DLG2: variants seen among roughly 807,000 people sequenced by gnomAD.
The protein encoded by DLG2 is discs large MAGUK scaffold protein 2.
A neutral mutation model predicts 132.5 loss-of-function variants in DLG2; 45 were observed. The observed-to-expected ratio is 0.34, with a 90% CI of 0.27 to 0.44. The LOEUF (loss-of-function observed/expected upper bound fraction) is 0.44. DLG2 is among the 20% of genes least tolerant of loss of function. The pLI, the probability that DLG2 is intolerant of heterozygous loss-of-function variation, is 1.00. For missense variants in DLG2, 1,045 were observed against 1,196.9 expected (o/e 0.87, Z 1.87); for synonymous variants, 424 against 419.6 (o/e 1.01, Z -0.13).
At chr11:84,241,638 AT>A (rs986271825) in intron 8 of DLG2, among the ~76,000 whole-genome samples, 4 of 152,096 alleles carry the variant, frequency 2.6e-5, no homozygotes, top group African/African-American at 9.7e-5. Context: ...ACTCATTCAG[AT>A]TCATGCTAAA....
intron 17 of DLG2, among the ~76,000 whole-genome samples, chr11:83,803,422 G>GA (rs1243791484): frequency 1.3e-5 from 2 of 152,050 alleles, no homozygotes; most frequent in Non-Finnish European, 2.9e-5. Context: ...CAGGCATAGT[G>GA]AAAAAATGTC....
At chr11:85,383,350 TC>T (rs2086056862) in intron 3 of DLG2, among the ~76,000 whole-genome samples, 1 of 152,128 alleles carries the variant, frequency 6.6e-6, no homozygotes, top group Admixed American at 6.6e-5. Context: ...GGTCTGAGGA[TC>T]CTCGGGGGTG....
chr11:83,747,318 T>TCCTTCCTTCCTTCCTG (rs1566805023), intron 18 of DLG2, among the ~76,000 whole-genome samples: 1 of 122,804 alleles, frequency 8.1e-6, no homozygotes, highest in African/African-American at 2.8e-5. Flanking sequence ...CTTCCTTCCT[T>TCCTTCCTTCCTTCCTG]CCTTCCTTCC....
At chr11:84,638,302 A>T (rs527715291) in intron 6 of DLG2, among the ~76,000 whole-genome samples, 1 of 152,358 alleles carries the variant, frequency 6.6e-6, no homozygotes, top group East Asian at 1.9e-4. Flanking sequence ...AGATAATTTA[A>T]CTTTCATTAA....
At chr11:84,944,819 T>TG (rs1229128902) in intron 6 of DLG2, among the ~76,000 whole-genome samples, 2 of 152,160 alleles carry the variant, frequency 1.3e-5, no homozygotes, top group Non-Finnish European at 2.9e-5. Flanking sequence ...TTAGCCAGGA[T>TG]GGTCTTGATC....
intron 6 of DLG2, among the ~76,000 whole-genome samples, chr11:84,817,216 T>C (rs1468516334): frequency 6.6e-6 from 1 of 152,026 alleles, no homozygotes; most frequent in African/African-American, 2.4e-5. Context: ...ACCATTTCAG[T>C]TGAACTGTTT....
Position 84,692,369 on chromosome 11 carries a change from G to A in DLG2, c.358-157638C>T, listed in dbSNP as rs184859921. On this transcript the variant is annotated intron_variant, in intron 6 of 27. Coordinates refer to ENST00000376104, the MANE Select transcript of DLG2 (RefSeq NM_001142699.3). ...ACTCTTTTGAAAGTTCTGGCAACATGTATCTGTCCATTATTAACCCTCTGA... is the reference window on the plus strand; with the variant it reads ...ACTCTTTTGAAAGTTCTGGCAACATATATCTGTCCATTATTAACCCTCTGA... Among the ~76,000 whole-genome samples the A allele has an allele frequency of 4.3e-3, 647 of 151,722 alleles. 17 individuals are homozygous for A. Among genetic ancestry groups the A allele is most frequent in the Non-Finnish European group, 9.0e-4 (61 of 67,774 alleles).
intron 6 of DLG2, among the ~76,000 whole-genome samples, chr11:84,623,489 T>C (rs193064090): frequency 1.3e-5 from 2 of 152,324 alleles, no homozygotes; most frequent in East Asian, 3.9e-4. Flanking sequence ...ATTGAAAGTA[T>C]GGCAGAGAAA....
intron 3 of DLG2, among the ~76,000 whole-genome samples, chr11:85,547,419 C>A (rs962315034): frequency 1.3e-5 from 2 of 152,180 alleles, no homozygotes; most frequent in African/African-American, 4.8e-5. Flanking sequence ...CTGCTCTTAA[C>A]ATTTTTTCCT....
intron 6 of DLG2, among the ~76,000 whole-genome samples, chr11:84,564,620 G>T (rs190095657): frequency 2.6e-5 from 4 of 152,154 alleles, no homozygotes; most frequent in African/African-American, 9.6e-5. Flanking sequence ...TTTATATATG[G>T]TTTTTCTTTA....
chr11:84,152,674 C>T (rs1439287150), intron 9 of DLG2, among the ~76,000 whole-genome samples: 3 of 152,150 alleles, frequency 2.0e-5, no homozygotes, highest in African/African-American at 7.2e-5. Context: ...GCGTAAGCCA[C>T]CGCGCCCGGC....
chr11:85,331,246 A>T (rs920985067), intron 3 of DLG2, among the ~76,000 whole-genome samples: 6 of 152,208 alleles, frequency 3.9e-5, no homozygotes, highest in Non-Finnish European at 8.8e-5. Context: ...GAACATTAAT[A>T]TGACAAAATA....
At chr11:83,472,945 A>G (rs1480023216) in intron 22 of DLG2, among the ~76,000 whole-genome samples, 168 bp from the exon 23 acceptor site, 1 of 152,090 alleles carries the variant, frequency 6.6e-6, no homozygotes, top group African/African-American at 2.4e-5. Flanking sequence ...CTTTAGCACC[A>G]TTTTAGTATC....
intron 7 of DLG2, among the ~76,000 whole-genome samples, chr11:84,528,038 ATAAT>A (rs1024506647): frequency 2.0e-5 from 3 of 152,108 alleles, no homozygotes; most frequent in African/African-American, 7.2e-5. Context: ...TAAGTAACAA[ATAAT>A]TAATTATGAA....
intron 17 of DLG2, chr11:83,814,803 G>T: frequency 4.3e-6 from 1 of 232,034 alleles, no homozygotes; most frequent in South Asian, 8.9e-5. Context: ...TCCTTTATCT[G>T]AGTTTAGATC....
chr11:85,324,573 A>G (rs150164359), intron 3 of DLG2, among the ~76,000 whole-genome samples: 8 of 152,316 alleles, frequency 5.3e-5, no homozygotes, highest in East Asian at 1.9e-4. Context: ...AAAAGCTGAA[A>G]TCTAGATTTT....
At chr11:83,606,403 T>C (rs372397824) in intron 19 of DLG2, among the ~76,000 whole-genome samples, 2 of 152,196 alleles carry the variant, frequency 1.3e-5, no homozygotes, top group Non-Finnish European at 1.5e-5. Flanking sequence ...AAACCTTAGA[T>C]GGGTGCAGCC....
At chr11:85,191,162 G>GCGCACACACACACACACA (rs34410192) in intron 4 of DLG2, among the ~76,000 whole-genome samples, 1 of 139,842 alleles carries the variant, frequency 7.2e-6, no homozygotes, top group African/African-American at 2.8e-5. Context: ...GCGCACGCGC[G>GCGCACACACACACACACA]CACACACACA....
intron 8 of DLG2, among the ~76,000 whole-genome samples, chr11:84,238,042 T>TAAAAAAAAAAAAAAAAAAAAAAAAA (rs71036414): frequency 2.7e-5 from 2 of 73,110 alleles, no homozygotes; most frequent in East Asian, 3.9e-4. Flanking sequence ...AGACTCTGCC[T>TAAAAAAAAAAAAAAAAAAAAAAAAA]AAAAAAAAAA....
Sources: gnomAD v4.1 joint callset for allele counts (sites outside exome capture counted in the v4.1 genomes callset) on GRCh38, gnomAD v4.1.1 for gene constraint, MANE v1.5 for transcripts, NCBI Gene and HGNC (gene_info 2026-07-23, HGNC 2026-07-21) for gene names.